Variants in ABTB2 observed in about 807,000 individuals in gnomAD.
The protein encoded by ABTB2 is ankyrin repeat and BTB/POZ domain-containing protein 2.
Under a neutral mutation model 104.1 loss-of-function variants are expected in ABTB2, and 56 were observed. The observed-to-expected ratio is 0.54, with a 90% CI of 0.43 to 0.67. ABTB2 has a LOEUF of 0.67. Ranked by LOEUF, ABTB2 falls within the 30% of genes least tolerant of loss-of-function variation. The pLI, the probability that ABTB2 is intolerant of heterozygous loss-of-function variation, is 0.00. For synonymous variants in ABTB2, 606 were observed against 608.2 expected, an observed-to-expected ratio of 1.00 and a Z score of 0.05; for missense variants, 1,279 against 1,407.7, an observed-to-expected ratio of 0.91 and a Z score of 1.46.
chr11:34,238,562 C>T (rs1038275241), intron 1 of ABTB2, among the ~76,000 whole-genome samples: 2 of 152,038 alleles, frequency 1.3e-5, no homozygotes, highest in Non-Finnish European at 2.9e-5. Context: ...GAACAAATAC[C>T]AATCCGGTAC....
At chr11:34,220,795 G>C (rs553751152) in intron 1 of ABTB2, among the ~76,000 whole-genome samples, 1 of 152,248 alleles carries the variant, frequency 6.6e-6, no homozygotes, top group African/African-American at 2.4e-5. Flanking sequence ...AAATACCACA[G>C]ACCGGGTGGC....
chr11:34,277,168 C>T (rs1305092443), intron 1 of ABTB2, among the ~76,000 whole-genome samples: 1 of 152,180 alleles, frequency 6.6e-6, no homozygotes, highest in Middle Eastern at 3.2e-3. Flanking sequence ...TCTCAAAGTG[C>T]TGGGATTACA....
At chr11:34,352,659 A>G (rs1353063324) in intron 1 of ABTB2, among the ~76,000 whole-genome samples, 3 of 152,198 alleles carry the variant, frequency 2.0e-5, no homozygotes, top group African/African-American at 7.2e-5. Flanking sequence ...TTCTCATACC[A>G]CCCATATAAG....
At chr11:34,308,868 C>CAGAAAAA (rs1854811251) in intron 1 of ABTB2, among the ~76,000 whole-genome samples, 1 of 77,808 alleles carries the variant, frequency 1.3e-5, no homozygotes, top group African/African-American at 4.4e-5. Context: ...GAAACTGTCT[C>CAGAAAAA]AAAAAAAAAA....
chr11:34,161,233 A>G (rs1852717522), intron 10 of ABTB2, 152 bp from the exon 11 acceptor site: 3 of 697,480 alleles, frequency 4.3e-6, no homozygotes, highest in African/African-American at 2.0e-5. Flanking sequence ...CTTCCTGGGC[A>G]TGGAGTGGCC....
rs771067701 is a variant in ABTB2, at chr11:34,161,062, G to T, written c.2238C>A (p.His746Gln). 1.9e-6 allele frequency: 3 copies of T among 1,610,718 alleles called. No homozygotes were observed. In the South Asian group the frequency reaches 3.3e-5, roughly 18 times the overall value. The change falls in exon 11 of 17, where the codon CAC (histidine) becomes CAA (glutamine). Residue 746 changes from histidine (H) to glutamine (Q), a missense_variant. His to Gln is a conservative substitution (Grantham distance 24, BLOSUM62 0). Transcript: ENST00000435224. ...LRALGVPWKL[H>Q]IWIESLRTSF... ...AGGTCCTCAGAGACTCGATCCAGAT[G>T]TGCAGCTTCCAGGGGACTCCTGGTC...
chr11:34,276,260 TC>T (rs1450526085), intron 1 of ABTB2, among the ~76,000 whole-genome samples: 5 of 151,684 alleles, frequency 3.3e-5, no homozygotes, highest in Non-Finnish European at 1.5e-5. Context: ...GACTAATAAG[TC>T]CCAAGACCAC....
chr11:34,189,904 C>G (rs746586009), intron 3 of ABTB2, among the ~76,000 whole-genome samples: 3 of 152,144 alleles, frequency 2.0e-5, no homozygotes, highest in Non-Finnish European at 4.4e-5. Flanking sequence ...CACTTGATCC[C>G]CACAACACCC....
intron 2 of ABTB2, among the ~76,000 whole-genome samples, chr11:34,200,078 A>T (rs1041228026): frequency 2.0e-5 from 3 of 152,162 alleles, no homozygotes; most frequent in Non-Finnish European, 4.4e-5. Flanking sequence ...CCCGCCTCAC[A>T]GCAGCCAGTT....
intron 1 of ABTB2, among the ~76,000 whole-genome samples, chr11:34,262,525 A>C (rs1003448964): frequency 6.6e-6 from 1 of 152,176 alleles, no homozygotes; most frequent in African/African-American, 2.4e-5. Flanking sequence ...ATGCATAGCT[A>C]GGCTGTGGGT....
intron 3 of ABTB2, among the ~76,000 whole-genome samples, chr11:34,176,001 G>A (rs374799058): frequency 6.6e-6 from 1 of 152,178 alleles, no homozygotes. Context: ...AAAAAGGGGG[G>A]CTGGGTGCGG....
At position 34,276,033 on chromosome 11, in the gene ABTB2, T is replaced by C. The variant is rs189566724; in HGVS notation, c.884-71343A>G. On this transcript the variant is annotated intron_variant, in intron 1 of 16. Transcript: ENST00000435224. ...TTTTCACATTTAATCCACCTACTCA[T>C]TGAGCTCTCAGAAAATAGAAATGGC... 4.5e-4 allele frequency among the ~76,000 whole-genome samples: 69 copies of C among 152,268 alleles called. 3 individuals are homozygous for C. Among genetic ancestry groups the C allele is most frequent in the Admixed American group, 3.5e-3 (53 of 15,290 alleles).
In ABTB2 at chr11:34,160,285, G is replaced by T. The variant is rs1025773755; in HGVS notation, c.2466C>A (p.Ser822Arg). 6.2e-7 allele frequency: 1 copy of T among 1,614,164 alleles called. No individual in the cohort carries two copies. Residue 822 changes from serine (S) to arginine (R), a missense_variant, in exon 12 of 17, where the codon AGC becomes AGA. Transcript: ENST00000435224. ...THCYGSSPIP[S>R]IPEIRKTLPA... is the part of the protein sequence containing the mutation. ...GCAGGGTCTTCCGGATCTCTGGGAT[G>T]CTGGGGATGGGACTGCTGCCATAGC... is the stretch of plus-strand genomic sequence containing the variant.
At chr11:34,328,643 C>G (rs568431920) in intron 1 of ABTB2, among the ~76,000 whole-genome samples, 1 of 152,330 alleles carries the variant, frequency 6.6e-6, no homozygotes, top group East Asian at 1.9e-4. Flanking sequence ...CTCCATGATG[C>G]CTCTAGAGAT....
At chr11:34,346,268 A>G (rs974699707) in intron 1 of ABTB2, among the ~76,000 whole-genome samples, 3 of 145,738 alleles carry the variant, frequency 2.1e-5, no homozygotes, top group African/African-American at 8.3e-5. Context: ...GGTGTAGCAT[A>G]TTTAATTTTT....
At chr11:34,206,570 G>C (rs1162965704) in intron 1 of ABTB2, among the ~76,000 whole-genome samples, 1 of 152,212 alleles carries the variant, frequency 6.6e-6, no homozygotes, top group Admixed American at 6.5e-5. Context: ...TCAGAGTCCA[G>C]TGAACACATC....
chr11:34,207,254 T>C (rs1272969413), intron 1 of ABTB2, among the ~76,000 whole-genome samples: 3 of 152,216 alleles, frequency 2.0e-5, no homozygotes, highest in African/African-American at 7.2e-5. Context: ...GGATCAAATT[T>C]ACAGAGCTTA....
At chr11:34,272,721 A>AC (rs1854333383) in intron 1 of ABTB2, among the ~76,000 whole-genome samples, 1 of 150,030 alleles carries the variant, frequency 6.7e-6, no homozygotes, top group African/African-American at 2.5e-5. Context: ...AAAAAAAAAA[A>AC]AAAAAAAAAA....
chr11:34,245,225 C>T (rs1382629868), intron 1 of ABTB2, among the ~76,000 whole-genome samples: 2 of 152,140 alleles, frequency 1.3e-5, no homozygotes, highest in East Asian at 1.9e-4. Context: ...GGTTCAGCAC[C>T]GTTTCCTCTC....
Sources: allele counts gnomAD v4.1 joint callset (sites outside exome capture counted in the v4.1 genomes callset), GRCh38; gene constraint gnomAD v4.1.1; transcripts MANE v1.5; gene names NCBI Gene and HGNC (gene_info 2026-07-23, HGNC 2026-07-21).